The following NOL4 variants were observed in gnomAD, a reference collection of about 807,000 sequenced individuals.
NOL4 encodes nucleolar protein 4.
Under a neutral mutation model 75.9 loss-of-function variants are expected in NOL4, and 17 were observed. The ratio of observed to expected loss-of-function variants is 0.22; its 90% confidence interval spans 0.15 to 0.34. The LOEUF is 0.34. Ranked by LOEUF, NOL4 falls within the 10% of genes least tolerant of loss-of-function variation. The pLI is 1.00. For synonymous variants in NOL4, 292 were observed against 289.9 expected (o/e 1.01, Z -0.07); for missense variants, 614 against 793.5 (o/e 0.77, Z 2.72).
chr18:34,073,877 A>G (rs756344744), intron 5 of NOL4, among the ~76,000 whole-genome samples: 18 of 152,056 alleles, frequency 1.2e-4, no homozygotes, highest in Non-Finnish European at 2.7e-4. Flanking sequence ...CAACACTTAC[A>G]TAGCCAAAGC....
At chr18:33,862,680 T>A (rs1012090866) in intron 10 of NOL4, among the ~76,000 whole-genome samples, 18 of 152,190 alleles carry the variant, frequency 1.2e-4, no homozygotes, top group African/African-American at 4.3e-4. Flanking sequence ...ATGCTCACCA[T>A]CACTGGCCAT....
At chr18:34,076,010 A>G (rs1600497748) in intron 5 of NOL4, among the ~76,000 whole-genome samples, 2 of 152,288 alleles carry the variant, frequency 1.3e-5, no homozygotes, top group Admixed American at 6.5e-5. Context: ...GAAAGAAAAT[A>G]TAAGAAGTTT....
chr18:33,997,062 T>C (rs926862355), intron 6 of NOL4, among the ~76,000 whole-genome samples: 5 of 151,964 alleles, frequency 3.3e-5, no homozygotes, highest in Admixed American at 2.6e-4. Flanking sequence ...TTTCTGTTGA[T>C]AATTTATTTT....
At chr18:34,110,474 A>T (rs1159154395) in intron 2 of NOL4, among the ~76,000 whole-genome samples, 1 of 152,222 alleles carries the variant, frequency 6.6e-6, no homozygotes, top group Admixed American at 6.5e-5. Context: ...GCATTTGACA[A>T]AATTCAACAT....
intron 1 of NOL4, among the ~76,000 whole-genome samples, chr18:34,218,876 C>T (rs1035892238): frequency 6.6e-6 from 1 of 152,106 alleles, no homozygotes; most frequent in African/African-American, 2.4e-5. Flanking sequence ...GTGCCTTAGG[C>T]ATAAAGTTAG....
At chr18:34,067,771 T>C (rs962930912) in intron 5 of NOL4, among the ~76,000 whole-genome samples, 1 of 152,182 alleles carries the variant, frequency 6.6e-6, no homozygotes, top group Non-Finnish European at 1.5e-5. Flanking sequence ...TTTATTTATT[T>C]AGTGAAAGAG....
At chr18:33,938,318 A>G (rs964262826) in intron 9 of NOL4, among the ~76,000 whole-genome samples, 1 of 152,098 alleles carries the variant, frequency 6.6e-6, no homozygotes, top group South Asian at 2.1e-4. Context: ...TTAATTTAAA[A>G]AAATTATTTC....
chr18:34,135,493 C>A (rs577390465), intron 1 of NOL4, among the ~76,000 whole-genome samples: 4 of 151,670 alleles, frequency 2.6e-5, no homozygotes, highest in Non-Finnish European at 4.4e-5. Context: ...GTCAGAAGAT[C>A]GAGATCATCC....
intron 5 of NOL4, among the ~76,000 whole-genome samples, chr18:34,090,980 G>A (rs1261198896): frequency 6.6e-6 from 1 of 152,064 alleles, no homozygotes; most frequent in Non-Finnish European, 1.5e-5. Context: ...TTAATCTCCA[G>A]CATAGCAGTA....
At chr18:33,985,932 T>C (rs1280627078) in intron 6 of NOL4, among the ~76,000 whole-genome samples, 2 of 152,062 alleles carry the variant, frequency 1.3e-5, no homozygotes, top group Non-Finnish European at 2.9e-5. Context: ...GATGAAGAAA[T>C]TGGGATATAG....
At chr18:34,034,797 A>C (rs2075811557) in intron 5 of NOL4, among the ~76,000 whole-genome samples, 1 of 151,992 alleles carries the variant, frequency 6.6e-6, no homozygotes, top group Non-Finnish European at 1.5e-5. Flanking sequence ...GAATAGCTAT[A>C]TTTACATCAG....
intron 6 of NOL4, among the ~76,000 whole-genome samples, chr18:33,961,464 G>A (rs1370549004): frequency 6.6e-6 from 1 of 151,930 alleles, no homozygotes; most frequent in African/African-American, 2.4e-5. Context: ...TGGTTCTTAG[G>A]GCTTCAAACT....
chr18:34,165,294 C>G (rs1238418367), intron 1 of NOL4, among the ~76,000 whole-genome samples: 1 of 152,056 alleles, frequency 6.6e-6, no homozygotes, highest in Admixed American at 6.6e-5. Context: ...TTTAAAACCT[C>G]AGTTTACATC....
intron 9 of NOL4, among the ~76,000 whole-genome samples, chr18:33,921,804 A>G (rs1003621014): frequency 2.0e-5 from 3 of 152,184 alleles, no homozygotes; most frequent in Non-Finnish European, 4.4e-5. Context: ...AAAGCCAGTA[A>G]TGTCCACTGT....
chr18:33,895,530 A>T (rs1406572444), intron 9 of NOL4, among the ~76,000 whole-genome samples: 1 of 152,144 alleles, frequency 6.6e-6, no homozygotes, highest in African/African-American at 2.4e-5. Context: ...GTGATTACAG[A>T]TATAAGTTAT....
intron 10 of NOL4, among the ~76,000 whole-genome samples, chr18:33,862,151 G>C (rs1330010112): frequency 6.6e-6 from 1 of 151,970 alleles, no homozygotes; most frequent in African/African-American, 2.4e-5. Context: ...ACAAACCTGA[G>C]AAAAACAAGC....
chr18:34,041,004 A>G (rs1034759726), intron 5 of NOL4, among the ~76,000 whole-genome samples: 2 of 151,998 alleles, frequency 1.3e-5, no homozygotes, highest in African/African-American at 4.8e-5. Flanking sequence ...ATATTCTAGG[A>G]TGAAAAAACG....
chr18:34,004,672 T>G (rs2073932536), intron 6 of NOL4, among the ~76,000 whole-genome samples: 1 of 152,068 alleles, frequency 6.6e-6, no homozygotes, highest in Non-Finnish European at 1.5e-5. Context: ...AGAGATTAAC[T>G]ATCTAAACCC....
At chr18:34,049,792 G>C (rs963427782) in intron 5 of NOL4, among the ~76,000 whole-genome samples, 2 of 152,054 alleles carry the variant, frequency 1.3e-5, no homozygotes, top group African/African-American at 4.8e-5. Context: ...ATTCTTTCAA[G>C]TGCTGAGAGC....
Sources: gnomAD v4.1 joint callset for allele counts (sites outside exome capture counted in the v4.1 genomes callset) on GRCh38, gnomAD v4.1.1 for gene constraint, MANE v1.5 for transcripts, NCBI Gene and HGNC (gene_info 2026-07-23, HGNC 2026-07-21) for gene names.